ADAM21: variants seen among roughly 807,000 people sequenced by gnomAD.
ADAM21 encodes the protein ADAM metallopeptidase domain 21.
For synonymous variants in ADAM21, 262 were observed against 306.0 expected (o/e 0.86, Z 1.50); for missense variants, 678 against 874.4 (o/e 0.78, Z 2.83).
At chr14:70,455,367 G>A (rs932798886) in intron 1 of ADAM21, among the ~76,000 whole-genome samples, 2 of 152,030 alleles carry the variant, frequency 1.3e-5, no homozygotes, top group African/African-American at 4.8e-5. Flanking sequence ...TCAATATGTT[G>A]ATCACAGTCA....
In ADAM21 at chr14:70,458,327, G is replaced by A. The variant is rs1337784422; in HGVS notation, c.828G>A (p.Leu276=). 3 of 1,613,994 alleles carry A rather than the reference G, an allele frequency of 1.9e-6. No individual in the cohort carries two copies. The highest frequency in any genetic ancestry group is 2.5e-6 in the Non-Finnish European group (3 of 1,180,040). ...VFPMTSIEQV[L]NDFSQWKQIS... Reference sequence around the variant, plus strand: ...CAATGACAAGCATAGAACAGGTCCTGAACGATTTCTCTCAATGGAAACAAA... The same window carrying A: ...CAATGACAAGCATAGAACAGGTCCTAAACGATTTCTCTCAATGGAAACAAA... The change falls in exon 2 of 2, where the codon CTG becomes CTA. Residue 276 remains leucine (L), a synonymous_variant. Coordinates refer to ENST00000603540, the MANE Select transcript of ADAM21 (RefSeq NM_003813.4).
chr14:70,457,385 T>C lies in ADAM21; in HGVS notation c.-115T>C, dbSNP rs1187878643. ...TGATCTAACTCTGCCAGGACACAGATCCACAGGGTCAGCCCTGCATCCTGA... is the reference window on the plus strand; with the variant it reads ...TGATCTAACTCTGCCAGGACACAGACCCACAGGGTCAGCCCTGCATCCTGA... On this transcript the variant is annotated 5_prime_UTR_variant, in exon 2 of 2. Transcript: ENST00000603540. 29 of 1,522,562 alleles carry C rather than the reference T, an allele frequency of 1.9e-5. No homozygotes were observed. Among genetic ancestry groups the C allele is most frequent in the Non-Finnish European group, 2.5e-5 (28 of 1,114,358 alleles). The allele number at this position is 1,522,562 out of a possible 1,614,324, so 94.3% of individuals were successfully genotyped here. A position where few individuals can be genotyped will look rare whatever the true frequency, so the allele number is the denominator to read the frequency against.
At position 70,456,664 on chromosome 14, in the gene ADAM21, TAAA is replaced by T. The variant is rs1388119517; in HGVS notation, c.-151-682_-151-680del. ...TCAGTGTTTCATGAATTTTCTTTTC[TAAA>T]AATTATACTACAATATGAACACATT... On this transcript the variant is annotated intron_variant, in intron 1 of 1. Coordinates refer to ENST00000603540, the MANE Select transcript of ADAM21 (RefSeq NM_003813.4). 2.0e-5 allele frequency among the ~76,000 whole-genome samples: 3 copies of T among 152,344 alleles called. No individual in the cohort carries two copies. In the East Asian group the frequency reaches 5.8e-4, roughly 29 times the overall value.
rs1471293922 is a variant in ADAM21 at position 70,459,412 on chromosome 14, C to G, written c.1913C>G (p.Thr638Ser). Residue 638 changes from threonine (T) to serine (S), a missense_variant, in exon 2 of 2, where the codon ACC becomes AGC. Coordinates refer to ENST00000603540, the MANE Select transcript of ADAM21 (RefSeq NM_003813.4). ...TTGTCACATGTCTGCCTTCCTGAGA[C>G]CTGCAATATGAAGGGGATCTGCAAT... is the stretch of plus-strand genomic sequence containing the variant. ...SVLSHVCLPETCNMKGICNNK... is the reference protein window; with the variant it reads ...SVLSHVCLPESCNMKGICNNK... The G allele has an allele frequency of 6.2e-7, 1 of 1,614,220 alleles. No homozygotes were observed. Among genetic ancestry groups the G allele is most frequent in the Admixed American group, 1.7e-5 (1 of 60,026 alleles).
At chr14:70,455,977 AG>A (rs1439949002) in intron 1 of ADAM21, among the ~76,000 whole-genome samples, 1 of 152,130 alleles carries the variant, frequency 6.6e-6, no homozygotes, top group African/African-American at 2.4e-5. Flanking sequence ...GTCTTTATAG[AG>A]GTCTGTACAG....
Position 70,458,135 on chromosome 14 carries a change from A to C in ADAM21, c.636A>C (p.Leu212=), listed in dbSNP as rs3829455. Residue 212 remains leucine (L), a synonymous_variant, in exon 2 of 2, where the codon CTA becomes CTC. Coordinates refer to ENST00000603540, the MANE Select transcript of ADAM21 (RefSeq NM_003813.4). ...GGACTCATGCATGGTTTCTGGAGCT[A>C]GTTGTTGTGGTGAACCATGATTTCT... ...DWWTHAWFLE[L]VVVVNHDFFI... 713,597 of 1,589,738 alleles carry C rather than the reference A, an allele frequency of 0.45. 164,398 individuals carry two copies. The highest frequency in any genetic ancestry group is 0.57 in the Middle Eastern group (3,421 of 5,982).
In ADAM21 at chr14:70,457,476, T is replaced by C; in HGVS notation, c.-24T>C. ...CTTGTCCTCTTCTGCTCTGGACAGA[T>C]GGCTCCATAACGACAGCTTCATAAT... On this transcript the variant is annotated 5_prime_UTR_variant, in exon 2 of 2. An upstream start codon of the reference 5' UTR is lost. Transcript: ENST00000603540. The C allele has an allele frequency of 1.9e-6, 3 of 1,608,078 alleles. No individual in the cohort carries two copies. Among genetic ancestry groups the C allele is most frequent in the Non-Finnish European group, 2.5e-6 (3 of 1,177,002 alleles).
In ADAM21 at chr14:70,459,730, CATT is replaced by C; in HGVS notation, c.*64_*66del. 6.4e-7 allele frequency: 1 copy of C among 1,557,214 alleles called. No individual in the cohort carries two copies. Among genetic ancestry groups the C allele is most frequent in the Non-Finnish European group, 8.7e-7 (1 of 1,149,606 alleles). On this transcript the variant is annotated 3_prime_UTR_variant, in exon 2 of 2. Coordinates refer to ENST00000603540, the MANE Select transcript of ADAM21 (RefSeq NM_003813.4). ...CACTTTAGTCTCTTGGCAGTAGAAA[CATT>C]AGTACATCCCTGAAACTGAGCACAT... is the stretch of plus-strand genomic sequence containing the variant.
At chr14:70,457,130 G>A (rs1013594229) in intron 1 of ADAM21, among the ~76,000 whole-genome samples, 3 of 152,042 alleles carry the variant, frequency 2.0e-5, no homozygotes, top group African/African-American at 7.2e-5. Flanking sequence ...TGTAAAGACT[G>A]AGATAACTAT....
chr14:70,456,558 A>C (rs767814474), intron 1 of ADAM21, among the ~76,000 whole-genome samples: 43 of 152,162 alleles, frequency 2.8e-4, no homozygotes, highest in Non-Finnish European at 5.9e-5. Flanking sequence ...TCTCTTCTGA[A>C]AGCATTTCGT....
In ADAM21 at chr14:70,459,313, G is replaced by T. The variant is rs772974087; in HGVS notation, c.1814G>T (p.Gly605Val). Reference sequence around the variant, plus strand: ...TTAAGGATGAACATATCTGACATTGGTGAAGTGAAAGATGGTACTGTGTGT... The same window carrying T: ...TTAAGGATGAACATATCTGACATTGTTGAAGTGAAAGATGGTACTGTGTGT... The part of the protein sequence containing the change: ...YHLRMNISDI[G>V]EVKDGTVCGP... The change falls in exon 2 of 2, where the codon GGT becomes GTT. Residue 605 changes from glycine (G) to valine (V), a missense_variant. Coordinates refer to ENST00000603540, the MANE Select transcript of ADAM21 (RefSeq NM_003813.4). 2 of 1,614,092 alleles carry T rather than the reference G, an allele frequency of 1.2e-6. No individual in the cohort carries two copies. Among genetic ancestry groups the T allele is most frequent in the East Asian group, 4.5e-5 (2 of 44,902 alleles).
intron 1 of ADAM21, among the ~76,000 whole-genome samples, chr14:70,453,724 C>A (rs1889069939): frequency 6.6e-6 from 1 of 152,154 alleles, no homozygotes; most frequent in South Asian, 2.1e-4. Context: ...AAGTAGAAAA[C>A]ATATCAAGAG....
chr14:70,455,595 A>G (rs939970390), intron 1 of ADAM21, among the ~76,000 whole-genome samples: 4 of 152,164 alleles, frequency 2.6e-5, no homozygotes, highest in African/African-American at 4.8e-5. Context: ...TCAACTTCCT[A>G]ACTCACTTTT....
In ADAM21 at chr14:70,457,625, G is replaced by A. The variant is rs1882437585; in HGVS notation, c.126G>A (p.Val42=). The change falls in exon 2 of 2, where the codon GTG becomes GTA. Residue 42 remains valine (V), a synonymous_variant. Transcript: ENST00000603540. ...CCCAGCATTTCACTTCCCCGGAAGT[G>A]GTGATCCCCTTGAAGGTGATCAGCA... ...GPSQHFTSPE[V]VIPLKVISRG... 1 of 1,613,826 alleles carries A rather than the reference G, an allele frequency of 6.2e-7. No homozygotes were observed. The highest frequency in any genetic ancestry group is 1.3e-5 in the African/African-American group (1 of 74,896).
chr14:70,458,868 T>C lies in ADAM21; in HGVS notation c.1369T>C (p.Phe457Leu), dbSNP rs1342146029. 6.2e-7 allele frequency: 1 copy of C among 1,614,158 alleles called. No homozygotes were observed. The highest frequency in any genetic ancestry group is 8.5e-7 in the Non-Finnish European group (1 of 1,180,022). ...TGGGCTTTGTTGCAAAGACTGCAAG[T>C]TCATGCCATCAGGGGAACTCTGTAG... is the stretch of plus-strand genomic sequence containing the variant. ...AFGLCCKDCK[F>L]MPSGELCRQE... The change falls in exon 2 of 2, where the codon TTC (phenylalanine) becomes CTC (leucine). Residue 457 changes from phenylalanine (F) to leucine (L), a missense_variant. By Grantham distance (22) the Phe-to-Leu change is conservative. Coordinates refer to ENST00000603540, the MANE Select transcript of ADAM21 (RefSeq NM_003813.4).
In ADAM21 at chr14:70,459,114, C is replaced by A. The variant is rs185589078; in HGVS notation, c.1615C>A (p.Arg539Ser). ...TAAAGAAATCAATTCTCAGGGAAAC[C>A]GTTTTGGTCACTGTGGTATAAATGG... Reference protein sequence around the residue: ...CYKEINSQGNRFGHCGINGTT... With the variant: ...CYKEINSQGNSFGHCGINGTT... The change falls in exon 2 of 2, where the codon CGT (arginine) becomes AGT (serine). Residue 539 changes from arginine to serine, a missense_variant. Arg to Ser is a moderately radical substitution (Grantham distance 110, BLOSUM62 -1). Coordinates refer to ENST00000603540, the MANE Select transcript of ADAM21 (RefSeq NM_003813.4). 8 of 1,611,650 alleles carry A rather than the reference C, an allele frequency of 5.0e-6. No homozygotes were observed. In the East Asian group the frequency reaches 1.6e-4, roughly 32 times the overall value.
Position 70,457,803 on chromosome 14 carries a change from C to G in ADAM21, c.304C>G (p.Gln102Glu). ...AGATGACCGTGCACTCCTGGAGGAT[C>G]AGCTCTTCATCCCAGATGACTGTTA... ...YTDDRALLED[Q>E]LFIPDDCYYH... The change falls in exon 2 of 2, where the codon CAG (glutamine) becomes GAG (glutamate). Residue 102 changes from glutamine to glutamate, a missense_variant. Physicochemically the swap from Gln to Glu is conservative, Grantham distance 29. Coordinates refer to ENST00000603540, the MANE Select transcript of ADAM21 (RefSeq NM_003813.4). 1 of 1,613,426 alleles carries G rather than the reference C, an allele frequency of 6.2e-7. No individual in the cohort carries two copies. The highest frequency in any genetic ancestry group is 8.5e-7 in the Non-Finnish European group (1 of 1,179,740).
rs770338145 is a variant in ADAM21 at position 70,459,385 on chromosome 14, T to G, written c.1886T>G (p.Val629Gly). ...CIHKKCVSLSVLSHVCLPETC... is the reference protein window; with the variant it reads ...CIHKKCVSLSGLSHVCLPETC... ...CATAAGAAGTGTGTCAGTCTGTCTG[T>G]CTTGTCACATGTCTGCCTTCCTGAG... is the stretch of plus-strand genomic sequence containing the variant. Residue 629 changes from valine to glycine, a missense_variant, in exon 2 of 2, where the codon GTC (valine) becomes GGC (glycine). Physicochemically the swap from Val to Gly is moderately radical, Grantham distance 109. Coordinates refer to ENST00000603540, the MANE Select transcript of ADAM21 (RefSeq NM_003813.4). 9 of 1,614,100 alleles carry G rather than the reference T, an allele frequency of 5.6e-6. No homozygotes were observed. The East Asian group carries it at 1.8e-4, about 32-fold the overall frequency.
Position 70,458,342 on chromosome 14 carries a change from A to G in ADAM21, c.843A>G (p.Gln281=), listed in dbSNP as rs1254372602. The G allele has an allele frequency of 3.1e-6, 5 of 1,614,052 alleles. No individual in the cohort carries two copies. The highest frequency in any genetic ancestry group is 4.2e-6 in the Non-Finnish European group (5 of 1,180,048). Residue 281 remains glutamine, a synonymous_variant, in exon 2 of 2, where the codon CAA becomes CAG. Coordinates refer to ENST00000603540, the MANE Select transcript of ADAM21 (RefSeq NM_003813.4). ...AACAGGTCCTGAACGATTTCTCTCA[A>G]TGGAAACAAATCAGTCTTTCCCAGC... ...SIEQVLNDFS[Q]WKQISLSQLQ... is the part of the protein sequence containing the mutation.
Sources: allele counts gnomAD v4.1 joint callset (sites outside exome capture counted in the v4.1 genomes callset), GRCh38; gene constraint gnomAD v4.1.1; transcripts MANE v1.5; gene names NCBI Gene and HGNC (gene_info 2026-07-23, HGNC 2026-07-21).